Variants in AGMO observed in about 807,000 individuals in gnomAD.
AGMO encodes alkylglycerol monooxygenase.
In AGMO, 75 loss-of-function variants were observed where a neutral mutation model predicts 60.2. The observed-to-expected ratio is 1.25, with a 90% CI of 1.03 to 1.51. AGMO has a LOEUF of 1.51. AGMO is among the 40% of genes most tolerant of loss of function. The pLI, the probability that AGMO is intolerant of heterozygous loss-of-function variation, is 0.00. For missense variants in AGMO, 763 were observed against 525.5 expected, an observed-to-expected ratio of 1.45 and a Z score of -4.42; for synonymous variants, 261 against 177.1, an observed-to-expected ratio of 1.47 and a Z score of -3.76.
chr7:15,183,615 T>C, the AGMO span, among the ~76,000 whole-genome samples: 3 of 152,164 alleles, frequency 2.0e-5, no homozygotes, highest in African/African-American at 7.2e-5. Context: ...CCACTTGACT[T>C]GTAGAAAGTT....
intron 12 of AGMO, among the ~76,000 whole-genome samples, chr7:15,307,641 T>C (rs1780655183): frequency 6.6e-6 from 1 of 151,914 alleles, no homozygotes; most frequent in Non-Finnish European, 1.5e-5. Context: ...ATGCATATAG[T>C]TTCAATTACT....
chr7:15,357,717 C>T lies in AGMO; in HGVS notation c.1263+7797G>A, dbSNP rs192430451. ...GAGGCTATGCGGACAGAAAACAGTG[C>T]GCTCCCTTGACAGCCAGAGAGAAGT... On this transcript the variant is annotated intron_variant, in intron 12 of 12. Transcript: ENST00000342526. Among the ~76,000 whole-genome samples, 12 of 152,298 alleles carry T rather than the reference C, an allele frequency of 7.9e-5. No individual in the cohort carries two copies. In the East Asian group the frequency reaches 1.2e-3, roughly 15 times the overall value.
At chr7:15,419,270 C>G (rs1397211382) in intron 4 of AGMO, among the ~76,000 whole-genome samples, 1 of 151,876 alleles carries the variant, frequency 6.6e-6, no homozygotes, top group Non-Finnish European at 1.5e-5. Context: ...AGAAATGCCT[C>G]TTCCTTACAA....
At chr7:15,351,076 G>A (rs193166950) in intron 12 of AGMO, among the ~76,000 whole-genome samples, 99 of 152,168 alleles carry the variant, frequency 6.5e-4, no homozygotes, top group African/African-American at 2.3e-3. Context: ...GTTATCAGAT[G>A]GCTAAGAAAA....
At chr7:15,192,596 G>T in the AGMO span, among the ~76,000 whole-genome samples, 3 of 152,050 alleles carry the variant, frequency 2.0e-5, no homozygotes. Flanking sequence ...AAAGGTCCAG[G>T]TACCAAGAGC....
intron 3 of AGMO, among the ~76,000 whole-genome samples, chr7:15,457,299 T>A (rs569401333): frequency 6.6e-6 from 1 of 152,140 alleles, no homozygotes; most frequent in Non-Finnish European, 1.5e-5. Flanking sequence ...TAGAAATACA[T>A]GACATTCATT....
rs140010168 is a variant in AGMO, at chr7:15,471,767, C to T, written c.410-40659G>A. On this transcript the variant is annotated intron_variant, in intron 3 of 12. Coordinates refer to ENST00000342526, the MANE Select transcript of AGMO (RefSeq NM_001004320.2). The stretch of plus-strand genomic sequence containing the variant: ...TTTCACCTGTGAGTGGGGATCTTGA[C>T]TGCAATTTAAAATTTCCAAAACTTC... Among the ~76,000 whole-genome samples, 1,370 of 151,888 alleles carry T rather than the reference C, an allele frequency of 9.0e-3. 15 individuals carry two copies. The highest frequency in any genetic ancestry group is 0.011 in the Non-Finnish European group (730 of 67,844).
At chr7:15,469,243 TC>T (rs1236846289) in intron 3 of AGMO, among the ~76,000 whole-genome samples, 6 of 152,058 alleles carry the variant, frequency 3.9e-5, no homozygotes, top group Non-Finnish European at 8.8e-5. Flanking sequence ...TTTTTTTTCA[TC>T]GTCAAAAGCT....
intron 5 of AGMO, among the ~76,000 whole-genome samples, chr7:15,414,485 C>A (rs1023780429): frequency 6.6e-6 from 1 of 151,724 alleles, no homozygotes; most frequent in Non-Finnish European, 1.5e-5. Context: ...TACACACACA[C>A]ACACACACAC....
intron 3 of AGMO, among the ~76,000 whole-genome samples, chr7:15,530,845 TA>T (rs1400102565): frequency 2.2e-5 from 3 of 138,862 alleles, no homozygotes; most frequent in Non-Finnish European, 4.6e-5. Flanking sequence ...TATATATATA[TA>T]TTCTATATAT....
intron 8 of AGMO, among the ~76,000 whole-genome samples, chr7:15,390,269 A>G (rs559938226): frequency 1.6e-4 from 25 of 152,320 alleles, no homozygotes; most frequent in East Asian, 1.9e-4. Flanking sequence ...GAACAGTAAC[A>G]CAAAGGCCTC....
intron 12 of AGMO, among the ~76,000 whole-genome samples, chr7:15,217,007 A>G (rs889195668): frequency 6.6e-6 from 1 of 152,098 alleles, no homozygotes; most frequent in Non-Finnish European, 1.5e-5. Flanking sequence ...ACTATAAATA[A>G]ATACATCATT....
At chr7:15,494,968 G>T (rs1783184217) in intron 3 of AGMO, among the ~76,000 whole-genome samples, 1 of 152,188 alleles carries the variant, frequency 6.6e-6, no homozygotes, top group Non-Finnish European at 1.5e-5. Flanking sequence ...TGCCTGAGAA[G>T]GCAGCTGCCA....
chr7:15,354,449 T>TGTATACACGC (rs1782418830), intron 12 of AGMO, among the ~76,000 whole-genome samples: 9 of 21,756 alleles, frequency 4.1e-4, no homozygotes, highest in Non-Finnish European at 6.3e-4. Flanking sequence ...TACACACGTG[T>TGTATACACGC]GTGTATACAC....
chr7:15,544,838 A>T lies in AGMO; in HGVS notation c.343T>A (p.Trp115Arg). 1 of 1,611,010 alleles carries T rather than the reference A, an allele frequency of 6.2e-7. No homozygotes were observed. Among genetic ancestry groups the T allele is most frequent in the South Asian group, 1.1e-5 (1 of 90,692 alleles). Residue 115 changes from tryptophan to arginine, a missense_variant, in exon 3 of 13, where the codon TGG (tryptophan) becomes AGG (arginine). Transcript: ENST00000342526. ...RLFNLPWDSP[W>R]TWYSAFLGVD... ...CCTAAGAAGGCTGAATACCAAGTCC[A>T]TGGAGAATCCCAAGGCAAATTGAAC...
intron 12 of AGMO, among the ~76,000 whole-genome samples, chr7:15,327,815 G>A (rs531624264): frequency 4.9e-5 from 7 of 143,570 alleles, no homozygotes; most frequent in Non-Finnish European, 9.0e-5. Context: ...GAGGGCAGTG[G>A]CTATAGTGTT....
chr7:15,155,335 C>T, the AGMO span, among the ~76,000 whole-genome samples: 1 of 148,286 alleles, frequency 6.7e-6, no homozygotes, highest in Non-Finnish European at 1.5e-5. Context: ...TATGTTGATT[C>T]GAAGAAGCAG....
chr7:15,497,785 TA>T (rs1260102573), intron 3 of AGMO, among the ~76,000 whole-genome samples: 1 of 152,068 alleles, frequency 6.6e-6, no homozygotes, highest in African/African-American at 2.4e-5. Context: ...AAAATCAACA[TA>T]AAAAAGCATT....
the AGMO span, among the ~76,000 whole-genome samples, chr7:15,149,625 A>T: frequency 6.6e-6 from 1 of 152,064 alleles, no homozygotes; most frequent in Non-Finnish European, 1.5e-5. Flanking sequence ...ATAGTTGTAA[A>T]TGTGTGGCTT....
Sources: gnomAD v4.1 joint callset for allele counts (sites outside exome capture counted in the v4.1 genomes callset) on GRCh38, gnomAD v4.1.1 for gene constraint, MANE v1.5 for transcripts, NCBI Gene and HGNC (gene_info 2026-07-23, HGNC 2026-07-21) for gene names.